Variants in ZC3H8 observed in about 807,000 individuals in gnomAD.
The protein encoded by ZC3H8 is zinc finger CCCH domain-containing protein 8.
A neutral mutation model predicts 42.5 loss-of-function variants in ZC3H8; 27 were observed. That is an observed-to-expected ratio of 0.64 (90% CI 0.47 to 0.88). The LOEUF (loss-of-function observed/expected upper bound fraction) is 0.88, where lower values mean the gene tolerates loss of function less well. Among genes scored for constraint, ZC3H8 ranks in the 40% least tolerant of loss-of-function variants. The pLI is 0.00. For synonymous variants in ZC3H8, 101 were observed against 110.1 expected, an observed-to-expected ratio of 0.92 and a Z score of 0.52; for missense variants, 277 against 336.1, an observed-to-expected ratio of 0.82 and a Z score of 1.37.
In ZC3H8 at chr2:112,254,149, G is replaced by A. The variant is rs144681112; in HGVS notation, c.74+759C>T. 2.4e-4 allele frequency: 234 copies of A among 985,258 alleles called. No individual in the cohort carries two copies. In the African/African-American group the frequency reaches 3.9e-3, roughly 17 times the overall value. 61.0% of individuals were successfully genotyped at this position (985,258 alleles called of 1,614,324 possible). On this transcript the variant is annotated intron_variant, in intron 1 of 8. Coordinates refer to ENST00000409573, the MANE Select transcript of ZC3H8 (RefSeq NM_032494.3). ...GGTAAAATTTGAGATAGAGTGAACA[G>A]CTGACCAATATCGAATGGTAAAATC...
intron 7 of ZC3H8, 73 bp downstream of exon 7, chr2:112,231,765 C>A: frequency 1.1e-6 from 1 of 927,668 alleles, no homozygotes; most frequent in South Asian, 2.1e-5. Flanking sequence ...TAATTATCTT[C>A]AAATTCTCAT....
Position 112,217,362 on chromosome 2 carries a change from C to CA in ZC3H8, c.*16-895dup, listed in dbSNP as rs537076885. Among the ~76,000 whole-genome samples, 18 of 148,694 alleles carry CA rather than the reference C, an allele frequency of 1.2e-4. 1 individual carries two copies. Among genetic ancestry groups the CA allele is most frequent in the Admixed American group, 2.0e-4 (3 of 14,956 alleles). On this transcript the variant is annotated intron_variant, in intron 8 of 8. Coordinates refer to ENST00000409573, the MANE Select transcript of ZC3H8 (RefSeq NM_032494.3). The stretch of plus-strand genomic sequence containing the variant: ...CATTCAAGCCTGGGTGACTCCATCT[C>CA]AAAAAAAAAGAAAAGCTAAAAATAA...
chr2:112,245,526 C>T (rs1181081281), intron 2 of ZC3H8, among the ~76,000 whole-genome samples: 1 of 152,152 alleles, frequency 6.6e-6, no homozygotes, highest in African/African-American at 2.4e-5. Context: ...TGATGGTGCA[C>T]ACCCGTAGTC....
chr2:112,242,745 A>G (rs1180831821), intron 2 of ZC3H8, among the ~76,000 whole-genome samples: 3 of 152,074 alleles, frequency 2.0e-5, no homozygotes, highest in Admixed American at 6.5e-5. Flanking sequence ...AACTCACAAG[A>G]GAGTAACAGA....
At chr2:112,252,989 T>C (rs1401939158) in intron 1 of ZC3H8, among the ~76,000 whole-genome samples, 3 of 151,606 alleles carry the variant, frequency 2.0e-5, no homozygotes. Context: ...TAAAAATACG[T>C]CGGGCGTGGT....
rs933539941 is a variant in ZC3H8, at chr2:112,211,769, T to G, written c.*4715A>C. 6.6e-6 allele frequency: 1 copy of G among 152,184 alleles called. No homozygotes were observed. The highest frequency in any genetic ancestry group is 2.4e-5 in the African/African-American group (1 of 41,442). 9.4% of individuals were successfully genotyped at this position (152,184 alleles called of 1,614,324 possible). On this transcript the variant is annotated 3_prime_UTR_variant, in exon 9 of 9. Transcript: ENST00000409573. ...AAAACATGTCTTTTTTTTTCTTTCA[T>G]GCCTCCAAGACAAGTTCGAATTTAG...
intron 8 of ZC3H8, among the ~76,000 whole-genome samples, chr2:112,219,785 A>C (rs749453482): frequency 4.6e-5 from 7 of 152,066 alleles, no homozygotes; most frequent in Admixed American, 1.3e-4. Flanking sequence ...TACTAGGTCC[A>C]TTTGGTCAAG....
In ZC3H8 at chr2:112,213,939, C is replaced by CTTAAGAAT. The variant is rs1684231563; in HGVS notation, c.*2537_*2544dup. On this transcript the variant is annotated 3_prime_UTR_variant, in exon 9 of 9. Transcript: ENST00000409573. Reference sequence around the variant, plus strand: ...CTGTGATTTCCATAATGAAGACCCACTTAAGAATTTTTTTTTTTTTTTTTT... The same window carrying CTTAAGAAT: ...CTGTGATTTCCATAATGAAGACCCACTTAAGAATTTAAGAATTTTTTTTTTTTTTTTTT... 1.3e-5 allele frequency: 2 copies of CTTAAGAAT among 148,850 alleles called. No homozygotes were observed. Among genetic ancestry groups the CTTAAGAAT allele is most frequent in the Non-Finnish European group, 3.0e-5 (2 of 67,644 alleles). The allele number at this position is 148,850 out of a possible 1,614,324, so 9.2% of individuals were successfully genotyped here.
chr2:112,240,992 T>TGTGTGC (rs1388150739), intron 2 of ZC3H8, among the ~76,000 whole-genome samples: 13 of 143,736 alleles, frequency 9.0e-5, no homozygotes, highest in Non-Finnish European at 1.4e-4. Context: ...TGTGCGCGTG[T>TGTGTGC]GTATGTGTGT....
intron 6 of ZC3H8, among the ~76,000 whole-genome samples, chr2:112,232,746 A>T (rs760286087): frequency 7.2e-5 from 11 of 152,110 alleles, no homozygotes; most frequent in Admixed American, 1.3e-4. Context: ...GAAGAAAAAA[A>T]TTTTTTTGTG....
At chr2:112,220,094 C>G (rs1485769941) in intron 8 of ZC3H8, among the ~76,000 whole-genome samples, 1 of 152,176 alleles carries the variant, frequency 6.6e-6, no homozygotes, top group Middle Eastern at 3.2e-3. Context: ...GGTTTTGTTT[C>G]TATATCAGCT....
chr2:112,218,594 G>C (rs768608462), intron 8 of ZC3H8, among the ~76,000 whole-genome samples: 1 of 152,130 alleles, frequency 6.6e-6, no homozygotes, highest in African/African-American at 2.4e-5. Flanking sequence ...AACAACACAA[G>C]TTTGAACTGT....
In ZC3H8 at chr2:112,234,252, C is replaced by CA. The variant is rs757140747; in HGVS notation, c.505-17dup. 3 of 1,522,316 alleles carry CA rather than the reference C, an allele frequency of 2.0e-6. No homozygotes were observed. The highest frequency in any genetic ancestry group is 1.4e-5 in the African/African-American group (1 of 71,420). 94.3% of individuals were successfully genotyped at this position (1,522,316 alleles called of 1,614,324 possible). ...GTTTACCATCCTTTAAAAACAAAAA[C>CA]AAAAAAACTAAATGTAAGAAACAGA... On this transcript the variant is annotated splice_polypyrimidine_tract_variant and intron_variant, in intron 4 of 8. Transcript: ENST00000409573.
rs200470552 is a variant in ZC3H8, at chr2:112,233,335, C to T, written c.658G>A (p.Glu220Lys). Residue 220 changes from glutamate (E) to lysine (K), a missense_variant, in exon 6 of 9, where the codon GAA becomes AAA. Physicochemically the swap from Glu to Lys is moderately conservative, Grantham distance 56. Transcript: ENST00000409573. ...QCKFDHDAEIEKKKEMCKFYV... is the reference protein window; with the variant it reads ...QCKFDHDAEIKKKKEMCKFYV... ...AACTTACACATTTCCTTTTTCTTTT[C>T]TATCTCTGCATCATGATCAAATTTA... 1,074 of 1,596,280 alleles carry T rather than the reference C, an allele frequency of 6.7e-4. No individual in the cohort carries two copies. Among genetic ancestry groups the T allele is most frequent in the Non-Finnish European group, 8.5e-4 (996 of 1,170,662 alleles).
At chr2:112,251,262 TG>T (rs1256921737) in intron 1 of ZC3H8, among the ~76,000 whole-genome samples, 1 of 152,228 alleles carries the variant, frequency 6.6e-6, no homozygotes, top group East Asian at 1.9e-4. Flanking sequence ...AAGGAGAATG[TG>T]AACAGTGGCT....
chr2:112,233,202 C>A, intron 6 of ZC3H8, 58 bp downstream of exon 6: 2 of 1,231,418 alleles, frequency 1.6e-6, no homozygotes, highest in Non-Finnish European at 1.1e-6. Flanking sequence ...AAATTTTGCA[C>A]ATTTAAAATG....
chr2:112,216,744 A>G (rs1684343732), intron 8 of ZC3H8, among the ~76,000 whole-genome samples: 1 of 152,046 alleles, frequency 6.6e-6, no homozygotes, highest in South Asian at 2.1e-4. Context: ...ATGGCAAACA[A>G]GAAAAAAATT....
At position 112,215,032 on chromosome 2, in the gene ZC3H8, T is replaced by C. The variant is rs1684272430; in HGVS notation, c.*1452A>G. 1 of 152,112 alleles carries C rather than the reference T, an allele frequency of 6.6e-6. No homozygotes were observed. The highest frequency in any genetic ancestry group is 1.5e-5 in the Non-Finnish European group (1 of 68,022). 9.4% of individuals were successfully genotyped at this position (152,112 alleles called of 1,614,324 possible). On this transcript the variant is annotated 3_prime_UTR_variant, in exon 9 of 9. Transcript: ENST00000409573. The stretch of plus-strand genomic sequence containing the variant: ...GGGTACTGCCTCAGAAATATAACAA[T>C]TATTTTTTTCCTTATATATAAACTT...
At chr2:112,247,457 T>G (rs1266851990) in intron 2 of ZC3H8, among the ~76,000 whole-genome samples, 1 of 152,176 alleles carries the variant, frequency 6.6e-6, no homozygotes, top group African/African-American at 2.4e-5. Context: ...CAGGCACCTG[T>G]ATTCCCAACT....
Sources: gnomAD v4.1 joint callset for allele counts (sites outside exome capture counted in the v4.1 genomes callset) on GRCh38, gnomAD v4.1.1 for gene constraint, MANE v1.5 for transcripts, NCBI Gene and HGNC (gene_info 2026-07-23, HGNC 2026-07-21) for gene names.